Variants in ANKS1B observed in about 807,000 individuals in gnomAD.
ANKS1B encodes ankyrin repeat and sterile alpha motif domain-containing protein 1B.
A neutral mutation model predicts 148.3 loss-of-function variants in ANKS1B; 36 were observed. That is an observed-to-expected ratio of 0.24 (90% CI 0.19 to 0.32). The LOEUF (loss-of-function observed/expected upper bound fraction) is 0.32, where lower values mean the gene tolerates loss of function less well. ANKS1B is among the 10% of genes least tolerant of loss of function. ANKS1B has a pLI of 1.00. For missense variants in ANKS1B, 1,157 were observed against 1,542.6 expected, an observed-to-expected ratio of 0.75 and a Z score of 4.19; for synonymous variants, 542 against 560.8, an observed-to-expected ratio of 0.97 and a Z score of 0.47.
At chr12:99,812,560 GAGAGA>G (rs1565777386) in intron 2 of ANKS1B, among the ~76,000 whole-genome samples, 4 of 30,630 alleles carry the variant, frequency 1.3e-4, no homozygotes, top group African/African-American at 3.0e-4. Context: ...CACACACACA[GAGAGA>G]GAGAGAGAGA....
chr12:99,786,615 A>G (rs996746556), intron 4 of ANKS1B, among the ~76,000 whole-genome samples: 1 of 152,212 alleles, frequency 6.6e-6, no homozygotes, highest in African/African-American at 2.4e-5. Context: ...CTACACTCAC[A>G]TGGTAAGTTT....
intron 1 of ANKS1B, among the ~76,000 whole-genome samples, chr12:99,956,168 C>T (rs1397087748): frequency 6.6e-6 from 1 of 151,328 alleles, no homozygotes; most frequent in African/African-American, 2.4e-5. Context: ...ATCCTAGATA[C>T]TCAGGAGGCT....
At chr12:99,801,602 T>C (rs1381787523) in intron 4 of ANKS1B, among the ~76,000 whole-genome samples, 1 of 152,118 alleles carries the variant, frequency 6.6e-6, no homozygotes, top group African/African-American at 2.4e-5. Context: ...CAAGCTTTTC[T>C]AACTACGTTG....
intron 9 of ANKS1B, among the ~76,000 whole-genome samples, chr12:99,547,360 T>C (rs1179778426): frequency 6.6e-6 from 1 of 152,140 alleles, no homozygotes; most frequent in African/African-American, 2.4e-5. Flanking sequence ...GTTCTTACTA[T>C]AAGAAGTTTA....
chr12:98,949,169 G>C (rs2099850334), intron 17 of ANKS1B, among the ~76,000 whole-genome samples: 1 of 151,832 alleles, frequency 6.6e-6, no homozygotes, highest in Non-Finnish European at 1.5e-5. Flanking sequence ...AGCCAGGACG[G>C]TCTCGATCTC....
chr12:99,361,433 T>C (rs2092450979), intron 12 of ANKS1B, among the ~76,000 whole-genome samples: 2 of 152,124 alleles, frequency 1.3e-5, no homozygotes, highest in South Asian at 4.1e-4. Flanking sequence ...AGGGCTTTTG[T>C]TCCTTCCTTG....
intron 12 of ANKS1B, among the ~76,000 whole-genome samples, chr12:99,280,858 CT>C (rs1566799962): frequency 4.0e-5 from 6 of 151,074 alleles, no homozygotes; most frequent in Admixed American, 2.6e-4. Flanking sequence ...CTCTCTCTCT[CT>C]CTCTCTGTCT....
At chr12:98,925,595 C>T (rs1326863461) in intron 17 of ANKS1B, among the ~76,000 whole-genome samples, 1 of 152,134 alleles carries the variant, frequency 6.6e-6, no homozygotes, top group South Asian at 2.1e-4. Flanking sequence ...CCAGTAAAAA[C>T]AGTGAGCTTT....
chr12:99,709,401 G>A (rs540146959), intron 8 of ANKS1B, among the ~76,000 whole-genome samples: 1 of 152,270 alleles, frequency 6.6e-6, no homozygotes, highest in South Asian at 2.1e-4. Flanking sequence ...TTGAAGGTGT[G>A]TGGGATGTTG....
At chr12:99,723,730 G>T (rs12315657) in intron 8 of ANKS1B, among the ~76,000 whole-genome samples, 35,044 of 152,076 alleles carry the variant, frequency 0.23, 4,627 homozygotes, top group Non-Finnish European at 0.3. Flanking sequence ...TCCTATACAG[G>T]AGTGATCATA....
rs531997447 is a variant in ANKS1B at position 99,725,675 on chromosome 12, C to T, written c.1128+47247G>A. 2.6e-5 allele frequency among the ~76,000 whole-genome samples: 4 copies of T among 152,130 alleles called. No homozygotes were observed. The South Asian group carries it at 6.2e-4, about 24-fold the overall frequency. ...TGGACCTAAAAGAGATCTACAGAAC[C>T]CTCCACACCAAATCAACAGAATATA... On this transcript the variant is annotated intron_variant, in intron 8 of 26. Coordinates refer to ENST00000683438, the MANE Select transcript of ANKS1B (RefSeq NM_001352186.2).
intron 17 of ANKS1B, among the ~76,000 whole-genome samples, chr12:99,044,694 G>A (rs1204145354): frequency 2.0e-5 from 3 of 152,120 alleles, no homozygotes; most frequent in African/African-American, 4.8e-5. Context: ...GCGTAACTCT[G>A]GGGGAGGGAT....
chr12:99,027,425 G>C (rs2099949395), intron 17 of ANKS1B, among the ~76,000 whole-genome samples: 1 of 152,210 alleles, frequency 6.6e-6, no homozygotes, highest in East Asian at 1.9e-4. Context: ...GTGCTGATCA[G>C]AGAGTCAGAG....
chr12:99,656,667 G>A (rs957257689), intron 8 of ANKS1B, among the ~76,000 whole-genome samples: 1 of 151,072 alleles, frequency 6.6e-6, no homozygotes, highest in African/African-American at 2.4e-5. Flanking sequence ...GAGATGGGAG[G>A]GTCAAAGAAA....
chr12:99,346,659 C>T (rs1219013126), intron 12 of ANKS1B, among the ~76,000 whole-genome samples: 3 of 151,898 alleles, frequency 2.0e-5, no homozygotes, highest in Non-Finnish European at 4.4e-5. Flanking sequence ...CTGTCAGAAA[C>T]AAAGTTACTG....
intron 17 of ANKS1B, among the ~76,000 whole-genome samples, chr12:98,934,717 G>A (rs1262461795): frequency 6.6e-6 from 1 of 151,416 alleles, no homozygotes; most frequent in Non-Finnish European, 1.5e-5. Flanking sequence ...TTATTTTTTT[G>A]GTGCTATTGT....
intron 9 of ANKS1B, among the ~76,000 whole-genome samples, chr12:99,537,558 T>C (rs1012971480): frequency 1.5e-4 from 23 of 152,178 alleles, no homozygotes; most frequent in African/African-American, 5.5e-4. Flanking sequence ...GTTGTGTATG[T>C]CTTCTTGTGA....
At chr12:99,017,926 C>T (rs1413984407) in intron 17 of ANKS1B, among the ~76,000 whole-genome samples, 1 of 152,090 alleles carries the variant, frequency 6.6e-6, no homozygotes, top group Non-Finnish European at 1.5e-5. Flanking sequence ...ACTGCTGTCC[C>T]CTCCCCACCT....
At chr12:99,442,735 T>A (rs780795180) in intron 11 of ANKS1B, among the ~76,000 whole-genome samples, 1 of 151,976 alleles carries the variant, frequency 6.6e-6, no homozygotes, top group African/African-American at 2.4e-5. Context: ...AAATAACTTA[T>A]GTTAAACAAG....
Sources: allele counts gnomAD v4.1 joint callset (sites outside exome capture counted in the v4.1 genomes callset), GRCh38; gene constraint gnomAD v4.1.1; transcripts MANE v1.5; gene names NCBI Gene and HGNC (gene_info 2026-07-23, HGNC 2026-07-21).